The following SLC9A9 variants were observed in gnomAD, a reference collection of about 807,000 sequenced individuals.
SLC9A9 encodes the protein solute carrier family 9 member A9.
SLC9A9 carries 62 observed loss-of-function variants against 77.8 expected under a neutral mutation model. The observed-to-expected ratio is 0.80, with a 90% CI of 0.65 to 0.98. SLC9A9 has a LOEUF of 0.98. Among genes scored for constraint, SLC9A9 ranks in the 50% least tolerant of loss-of-function variants. The pLI is 0.00. For synonymous variants in SLC9A9, 320 were observed against 283.5 expected (o/e 1.13, Z -1.29); for missense variants, 775 against 774.9 (o/e 1.00, Z 0.00).
chr3:143,310,981 G>T (rs992173709), intron 14 of SLC9A9, among the ~76,000 whole-genome samples: 3 of 152,144 alleles, frequency 2.0e-5, no homozygotes, highest in Non-Finnish European at 4.4e-5. Flanking sequence ...GGAAGTAGGC[G>T]CCCAGAAAGG....
At chr3:143,376,854 T>C (rs1448431790) in intron 13 of SLC9A9, among the ~76,000 whole-genome samples, 1 of 152,234 alleles carries the variant, frequency 6.6e-6, no homozygotes, top group African/African-American at 2.4e-5. Context: ...TGGAATGACA[T>C]AACATTACAA....
chr3:143,636,983 T>G (rs2038533933), intron 6 of SLC9A9, among the ~76,000 whole-genome samples: 1 of 151,836 alleles, frequency 6.6e-6, no homozygotes, highest in Non-Finnish European at 1.5e-5. Context: ...AGGGGAAAAA[T>G]AAAGTCCCAT....
chr3:143,723,467 G>A lies in SLC9A9; in HGVS notation c.534-30160C>T, dbSNP rs79546221. 9.7e-3 allele frequency among the ~76,000 whole-genome samples: 1,469 copies of A among 152,210 alleles called. 28 individuals carry two copies. The highest frequency in any genetic ancestry group is 0.034 in the African/African-American group (1,416 of 41,496). The stretch of plus-strand genomic sequence containing the variant: ...CTCTAAACCTGGTATACACATCCCC[G>A]GGGAGTGGGGACACAAGATGATTTT... On this transcript the variant is annotated intron_variant, in intron 4 of 15. Transcript: ENST00000316549.
chr3:143,320,175 C>T (rs1360260087), intron 14 of SLC9A9, among the ~76,000 whole-genome samples: 1 of 152,182 alleles, frequency 6.6e-6, no homozygotes, highest in Non-Finnish European at 1.5e-5. Flanking sequence ...CCAATGGTTC[C>T]ACGAGGGCAG....
intron 5 of SLC9A9, among the ~76,000 whole-genome samples, chr3:143,674,493 G>T (rs559675787): frequency 6.6e-6 from 1 of 152,282 alleles, no homozygotes; most frequent in South Asian, 2.1e-4. Context: ...CACACGAGCA[G>T]TGCCAGCGCC....
intron 5 of SLC9A9, among the ~76,000 whole-genome samples, chr3:143,692,758 G>C (rs1384778366): frequency 6.6e-6 from 1 of 152,142 alleles, no homozygotes; most frequent in Non-Finnish European, 1.5e-5. Context: ...CACATTGGAA[G>C]AAGAATAATT....
chr3:143,557,999 A>G (rs2037016736), intron 8 of SLC9A9, among the ~76,000 whole-genome samples: 1 of 152,254 alleles, frequency 6.6e-6, no homozygotes, highest in South Asian at 2.1e-4. Flanking sequence ...AGCCCCTCCC[A>G]TCACAGGCCT....
chr3:143,838,569 A>G (rs1284394298), intron 1 of SLC9A9, among the ~76,000 whole-genome samples: 1 of 152,216 alleles, frequency 6.6e-6, no homozygotes, highest in Non-Finnish European at 1.5e-5. Flanking sequence ...CAGAGAGGAC[A>G]TGGAGAGGAA....
chr3:143,587,305 T>C (rs1046941466), intron 6 of SLC9A9, among the ~76,000 whole-genome samples: 1 of 152,126 alleles, frequency 6.6e-6, no homozygotes, highest in African/African-American at 2.4e-5. Flanking sequence ...GAAGAAAACA[T>C]AATAAATAGC....
intron 8 of SLC9A9, among the ~76,000 whole-genome samples, chr3:143,573,625 G>T (rs1412230303): frequency 6.6e-6 from 1 of 152,012 alleles, no homozygotes; most frequent in Non-Finnish European, 1.5e-5. Context: ...TTTCCTACCT[G>T]CCATGGAACA....
chr3:143,386,539 G>A (rs1393388543), intron 12 of SLC9A9, among the ~76,000 whole-genome samples: 2 of 152,196 alleles, frequency 1.3e-5, no homozygotes, highest in African/African-American at 4.8e-5. Flanking sequence ...TTGTGGTGAG[G>A]ATTAAGTAAG....
At chr3:143,779,344 C>T (rs1310684389) in intron 4 of SLC9A9, among the ~76,000 whole-genome samples, 1 of 151,976 alleles carries the variant, frequency 6.6e-6, no homozygotes, top group Non-Finnish European at 1.5e-5. Flanking sequence ...AGTAATTTAA[C>T]TTCTTTAATC....
chr3:143,336,819 CAAT>C lies in SLC9A9; in HGVS notation c.1604+26662_1604+26664del, dbSNP rs138660391. 6.3e-3 allele frequency among the ~76,000 whole-genome samples: 966 copies of C among 152,176 alleles called. 8 individuals carry two copies. The highest frequency in any genetic ancestry group is 0.022 in the African/African-American group (901 of 41,512). On this transcript the variant is annotated intron_variant, in intron 14 of 15. Transcript: ENST00000316549. ...AAAGTTCTAGAGATCGGTTTTACAA[CAAT>C]GTGAATATAATTGACACTATTGAAC...
At chr3:143,686,017 G>A (rs1270764983) in intron 5 of SLC9A9, among the ~76,000 whole-genome samples, 1 of 152,188 alleles carries the variant, frequency 6.6e-6, no homozygotes, top group East Asian at 1.9e-4. Flanking sequence ...GTCCAGCTAT[G>A]TGCTAGAAAT....
intron 6 of SLC9A9, among the ~76,000 whole-genome samples, chr3:143,597,774 G>T (rs1046981288): frequency 6.6e-6 from 1 of 152,164 alleles, no homozygotes; most frequent in African/African-American, 2.4e-5. Flanking sequence ...TTACTGGCAG[G>T]CAGGAGCCAA....
At chr3:143,466,860 G>A (rs1429453432) in intron 12 of SLC9A9, among the ~76,000 whole-genome samples, 177 bp downstream of exon 12, 1 of 152,226 alleles carries the variant, frequency 6.6e-6, no homozygotes, top group East Asian at 1.9e-4. Flanking sequence ...TCCTGGAAAA[G>A]TCAGTGTGGT....
rs190547059 is a variant in SLC9A9 at position 143,479,575 on chromosome 3, G to A, written c.1316-12385C>T. Among the ~76,000 whole-genome samples, 152 of 152,296 alleles carry A rather than the reference G, an allele frequency of 1.0e-3. 1 individual carries two copies. The highest frequency in any genetic ancestry group is 3.6e-3 in the African/African-American group (151 of 41,564). On this transcript the variant is annotated intron_variant, in intron 11 of 15. Coordinates refer to ENST00000316549, the MANE Select transcript of SLC9A9 (RefSeq NM_173653.4). ...GCTTGAGTTACATGTTTTGTTTCATGTATTGATGCCAGGAGTAAGTCACTG... is the reference window on the plus strand; with the variant it reads ...GCTTGAGTTACATGTTTTGTTTCATATATTGATGCCAGGAGTAAGTCACTG...
chr3:143,476,334 C>T (rs1039271502), intron 11 of SLC9A9, among the ~76,000 whole-genome samples: 2 of 152,194 alleles, frequency 1.3e-5, no homozygotes, highest in African/African-American at 4.8e-5. Context: ...CGTCTCTCTT[C>T]CTGAATTTGA....
chr3:143,848,416 A>G lies in SLC9A9; in HGVS notation c.-94T>C. On this transcript the variant is annotated 5_prime_UTR_variant, in exon 1 of 16. Transcript: ENST00000316549. ...GACAGTCTGACTGCCTGAGAATTTC[A>G]GAAGAAACACTGCCACTTTAGTTGC... 1 of 1,536,210 alleles carries G rather than the reference A, an allele frequency of 6.5e-7. No homozygotes were observed. The highest frequency in any genetic ancestry group is 9.0e-7 in the Non-Finnish European group (1 of 1,112,312).
Sources: allele counts gnomAD v4.1 joint callset (sites outside exome capture counted in the v4.1 genomes callset), GRCh38; gene constraint gnomAD v4.1.1; transcripts MANE v1.5; gene names NCBI Gene and HGNC (gene_info 2026-07-23, HGNC 2026-07-21).